The following PRKCH variants were observed in gnomAD, a reference collection of about 807,000 sequenced individuals.
The protein encoded by PRKCH is protein kinase C eta, also known as protein kinase C eta type.
PRKCH carries 28 observed loss-of-function variants against 82.5 expected under a neutral mutation model. The observed-to-expected ratio is 0.34, with a 90% CI of 0.25 to 0.47. The LOEUF is 0.47. Among genes scored for constraint, PRKCH ranks in the 20% least tolerant of loss-of-function variants. The pLI is 1.00. For synonymous variants in PRKCH, 322 were observed against 327.4 expected (o/e 0.98, Z 0.18); for missense variants, 705 against 881.8 (o/e 0.80, Z 2.54).
At chr14:61,420,588 A>G (rs1882785306) in intron 2 of PRKCH, among the ~76,000 whole-genome samples, 1 of 152,162 alleles carries the variant, frequency 6.6e-6, no homozygotes, top group Non-Finnish European at 1.5e-5. Context: ...TGCCTAGCTA[A>G]AGGACTCTCT....
At chr14:61,297,542 A>G (rs1443762837) in intron 1 of PRKCH, among the ~76,000 whole-genome samples, 2 of 152,114 alleles carry the variant, frequency 1.3e-5, no homozygotes, top group African/African-American at 2.4e-5. Flanking sequence ...ATGGAAAACC[A>G]TTTTTTCATG....
intron 5 of PRKCH, 58 bp downstream of exon 5, chr14:61,449,310 C>A: frequency 7.0e-7 from 1 of 1,426,094 alleles, no homozygotes; most frequent in Non-Finnish European, 9.9e-7. Context: ...TGCTGTGTAC[C>A]GCCGTCTCTC....
intron 1 of PRKCH, among the ~76,000 whole-genome samples, chr14:61,259,397 CG>C (rs2045026643): frequency 6.6e-6 from 1 of 152,060 alleles, no homozygotes; most frequent in African/African-American, 2.4e-5. Context: ...GACTGACTAA[CG>C]ATACCAATAT....
chr14:61,304,017 ATTAAT>A, intron 1 of PRKCH: 1 of 152,144 alleles, frequency 6.6e-6, no homozygotes, highest in Admixed American at 6.5e-5. Flanking sequence ...TTTATTTTTA[ATTAAT>A]TTAAGTTTAA....
chr14:61,404,700 C>T (rs1881845447), intron 2 of PRKCH, among the ~76,000 whole-genome samples: 1 of 152,122 alleles, frequency 6.6e-6, no homozygotes, highest in Admixed American at 6.5e-5. Flanking sequence ...GAGATGGGTC[C>T]TATGTGTATG....
chr14:61,348,766 T>A (rs372538306), intron 1 of PRKCH, among the ~76,000 whole-genome samples: 1 of 152,216 alleles, frequency 6.6e-6, no homozygotes, highest in African/African-American at 2.4e-5. Flanking sequence ...CCACCCCCAC[T>A]ATTTTATGCC....
intron 1 of PRKCH, among the ~76,000 whole-genome samples, chr14:61,282,208 G>T (rs929959385): frequency 6.6e-6 from 1 of 150,972 alleles, no homozygotes; most frequent in Non-Finnish European, 1.5e-5. Flanking sequence ...AAACTACAAG[G>T]ATTTATAGGA....
chr14:61,367,135 A>C (rs945738882), intron 1 of PRKCH, among the ~76,000 whole-genome samples: 4 of 152,082 alleles, frequency 2.6e-5, no homozygotes, highest in Non-Finnish European at 5.9e-5. Flanking sequence ...CAGAGAAGGC[A>C]GAAAGTGTGT....
At chr14:61,533,422 G>T (rs746026379) in intron 12 of PRKCH, among the ~76,000 whole-genome samples, 16 of 151,870 alleles carry the variant, frequency 1.1e-4, no homozygotes, top group Non-Finnish European at 4.4e-5. Flanking sequence ...CTTTGCAGGG[G>T]ACTGAGACAT....
At chr14:61,220,307 C>T (rs368700260) in intron 1 of PRKCH, among the ~76,000 whole-genome samples, 33 of 152,270 alleles carry the variant, frequency 2.2e-4, no homozygotes, top group African/African-American at 7.9e-4. Context: ...TTTTTGATCA[C>T]CTCGGCCAGA....
At chr14:61,235,275 C>G (rs1019036869) in intron 1 of PRKCH, among the ~76,000 whole-genome samples, 4 of 152,184 alleles carry the variant, frequency 2.6e-5, no homozygotes, top group Admixed American at 2.6e-4. Context: ...GCTTTTAGCC[C>G]TGTTCAATTC....
intron 2 of PRKCH, among the ~76,000 whole-genome samples, chr14:61,418,781 G>C (rs980060890): frequency 6.6e-6 from 1 of 152,146 alleles, no homozygotes; most frequent in Non-Finnish European, 1.5e-5. Flanking sequence ...TGAAGCCTGG[G>C]CCATTTTCCA....
In PRKCH at chr14:61,315,103, T is replaced by G. The variant is rs189045525; in HGVS notation, c.-19+127435T>G. Among the ~76,000 whole-genome samples, 17 of 152,346 alleles carry G rather than the reference T, an allele frequency of 1.1e-4. No individual in the cohort carries two copies. The East Asian group carries it at 3.3e-3, about 29-fold the overall frequency. ...AATATCTTACATTTTCTGTTCTTTT[T>G]GTCCCATGAGGAGGACAGTATGGCC... On this transcript the variant is annotated intron_variant, in intron 1 of 3. Transcript: ENST00000555185.
chr14:61,255,774 A>T (rs896076738), intron 1 of PRKCH, among the ~76,000 whole-genome samples: 16 of 152,168 alleles, frequency 1.1e-4, no homozygotes, highest in African/African-American at 3.6e-4. Flanking sequence ...TTTCAAAAAC[A>T]GTCTTCTCAC....
At chr14:61,473,186 AG>A (rs1183392706) in intron 9 of PRKCH, among the ~76,000 whole-genome samples, 1 of 152,162 alleles carries the variant, frequency 6.6e-6, no homozygotes, top group Admixed American at 6.5e-5. Flanking sequence ...CCAAATGACT[AG>A]ATGAGGCAGA....
intron 1 of PRKCH, among the ~76,000 whole-genome samples, chr14:61,295,701 G>A (rs146418086): frequency 2.0e-5 from 3 of 152,264 alleles, no homozygotes; most frequent in Non-Finnish European, 2.9e-5. Flanking sequence ...CATACCACAC[G>A]TCTTCCTTCT....
chr14:61,340,261 A>C (rs1408781926), intron 1 of PRKCH, among the ~76,000 whole-genome samples: 1 of 151,492 alleles, frequency 6.6e-6, no homozygotes, highest in Admixed American at 6.6e-5. Flanking sequence ...CTTCAGATTC[A>C]TTGCTCCCCT....
intron 1 of PRKCH, among the ~76,000 whole-genome samples, chr14:61,214,572 G>T (rs2044604018): frequency 6.6e-6 from 1 of 152,086 alleles, no homozygotes; most frequent in African/African-American, 2.4e-5. Flanking sequence ...AGTTCTGGAG[G>T]CTGGAATCTA....
chr14:61,307,060 A>G (rs933295446), intron 1 of PRKCH: 7 of 152,210 alleles, frequency 4.6e-5, no homozygotes, highest in African/African-American at 9.7e-5. Context: ...AAAATCATCT[A>G]TACAAACCTT....
Sources: allele counts gnomAD v4.1 joint callset (sites outside exome capture counted in the v4.1 genomes callset), GRCh38; gene constraint gnomAD v4.1.1; transcripts MANE v1.5; gene names NCBI Gene and HGNC (gene_info 2026-07-23, HGNC 2026-07-21).